The following EYA4 variants were observed in gnomAD, a reference collection of about 807,000 sequenced individuals.
EYA4 encodes the protein protein phosphatase EYA4.
A neutral mutation model predicts 87.9 loss-of-function variants in EYA4; 31 were observed. That is an observed-to-expected ratio of 0.35 (90% CI 0.27 to 0.48). The LOEUF is 0.48. Ranked by LOEUF, EYA4 falls within the 20% of genes least tolerant of loss-of-function variation. EYA4 has a pLI of 0.99. For missense variants in EYA4, 678 were observed against 761.4 expected, an observed-to-expected ratio of 0.89 and a Z score of 1.29; for synonymous variants, 263 against 270.6, an observed-to-expected ratio of 0.97 and a Z score of 0.28.
At chr6:133,296,593 T>G (rs993471403) in intron 2 of EYA4, among the ~76,000 whole-genome samples, 1 of 151,944 alleles carries the variant, frequency 6.6e-6, no homozygotes, top group Non-Finnish European at 1.5e-5. Context: ...AAAGGAAGGG[T>G]CAGTAATGAC....
intron 6 of EYA4, among the ~76,000 whole-genome samples, chr6:133,457,358 A>T (rs1793998567): frequency 6.6e-6 from 1 of 152,132 alleles, no homozygotes; most frequent in South Asian, 2.1e-4. Flanking sequence ...GATTTTTCTA[A>T]CCTGAGGAGG....
At chr6:133,277,070 A>G (rs2128274779) in intron 2 of EYA4, among the ~76,000 whole-genome samples, 1 of 152,316 alleles carries the variant, frequency 6.6e-6, no homozygotes, top group East Asian at 1.9e-4. Context: ...TAGGGGTGGA[A>G]TTAAAATAAA....
intron 2 of EYA4, among the ~76,000 whole-genome samples, chr6:133,374,239 T>G (rs1367750272): frequency 6.6e-6 from 1 of 152,082 alleles, no homozygotes; most frequent in East Asian, 1.9e-4. Context: ...TCAAATCACT[T>G]GAAAGCTATT....
chr6:133,456,676 C>A (rs765982559), intron 6 of EYA4, 28 bp downstream of exon 6: 30 of 1,361,334 alleles, frequency 2.2e-5, no homozygotes, highest in Non-Finnish European at 3.2e-5. Flanking sequence ...TGTGTCCTTA[C>A]GTACACATGG....
chr6:133,283,947 T>C (rs1777829683), intron 2 of EYA4, among the ~76,000 whole-genome samples: 1 of 152,228 alleles, frequency 6.6e-6, no homozygotes, highest in Admixed American at 6.5e-5. Flanking sequence ...TATTGGACTT[T>C]CTGTGTCTGA....
chr6:133,271,058 G>C (rs1776646742), intron 1 of EYA4, among the ~76,000 whole-genome samples: 1 of 152,142 alleles, frequency 6.6e-6, no homozygotes, highest in Non-Finnish European at 1.5e-5. Context: ...GCTAGTGGAA[G>C]GAAAAATTTT....
intron 17 of EYA4, among the ~76,000 whole-genome samples, chr6:133,522,587 T>A (rs2128811037): frequency 6.6e-6 from 1 of 152,282 alleles, no homozygotes; most frequent in South Asian, 2.1e-4. Flanking sequence ...ATAGTTAATG[T>A]TTTTTGTTTT....
intron 2 of EYA4, among the ~76,000 whole-genome samples, chr6:133,286,318 T>C (rs972665660): frequency 3.9e-5 from 6 of 152,194 alleles, no homozygotes; most frequent in Non-Finnish European, 7.4e-5. Context: ...GATGTAACCA[T>C]TGGGAACTCA....
chr6:133,394,282 GTGTTTTT>G (rs1269757042), intron 3 of EYA4, among the ~76,000 whole-genome samples: 1,634 of 107,788 alleles, frequency 0.015, 73 homozygotes, highest in African/African-American at 0.05. Context: ...ATATAAGCTT[GTGTTTTT>G]TTTTTTTTTT....
chr6:133,420,181 A>G (rs1790093544), intron 3 of EYA4, among the ~76,000 whole-genome samples: 1 of 151,980 alleles, frequency 6.6e-6, no homozygotes, highest in African/African-American at 2.4e-5. Flanking sequence ...TCCCATTATT[A>G]AGAGATGTTA....
intron 1 of EYA4, chr6:133,247,724 C>T (rs1774529969): frequency 6.6e-6 from 1 of 151,758 alleles, no homozygotes; most frequent in East Asian, 1.9e-4. Flanking sequence ...TGATGATATG[C>T]CCAGTAGAGA....
At chr6:133,320,897 A>G (rs568836738) in intron 2 of EYA4, among the ~76,000 whole-genome samples, 1 of 152,158 alleles carries the variant, frequency 6.6e-6, no homozygotes, top group African/African-American at 2.4e-5. Flanking sequence ...TCATTTTTCT[A>G]CATACTGAGG....
At chr6:133,476,587 T>C (rs1274736958) in intron 11 of EYA4, among the ~76,000 whole-genome samples, 1 of 152,162 alleles carries the variant, frequency 6.6e-6, no homozygotes, top group Non-Finnish European at 1.5e-5. Context: ...CAGGATTTTC[T>C]TTTTTAAGGC....
chr6:133,255,450 T>C (rs1391194706), intron 1 of EYA4, among the ~76,000 whole-genome samples: 1 of 152,158 alleles, frequency 6.6e-6, no homozygotes, highest in Admixed American at 6.6e-5. Context: ...TGATCAACTT[T>C]TGATTTATGT....
In EYA4 at chr6:133,462,675, A is replaced by C. The variant is rs774041373; in HGVS notation, c.635A>C (p.Gln212Pro). 1.2e-6 allele frequency: 2 copies of C among 1,613,936 alleles called. No homozygotes were observed. The highest frequency in any genetic ancestry group is 1.7e-6 in the Non-Finnish European group (2 of 1,179,864). The change falls in exon 9 of 20, where the codon CAG becomes CCG. Residue 212 changes from glutamine to proline, a missense_variant. Coordinates refer to ENST00000355286, the MANE Select transcript of EYA4 (RefSeq NM_004100.5). ...ACAGAGAGTGGACTTTCCCAAACTC[A>C]GTCCCCATTACAGAGTGGCTGCCTC... Reference protein sequence around the residue: ...IKTESGLSQTQSPLQSGCLSY... With the variant: ...IKTESGLSQTPSPLQSGCLSY...
Position 133,450,055 on chromosome 6 carries a change from C to T in EYA4, c.277+1876C>T, listed in dbSNP as rs1370133558. Among the ~76,000 whole-genome samples, 7 of 151,712 alleles carry T rather than the reference C, an allele frequency of 4.6e-5. No individual in the cohort carries two copies. The East Asian group carries it at 7.8e-4, about 17-fold the overall frequency. ...GGCTGGAGTGCAGTGGCGCGATCTC[C>T]GCTCACTGCAAGCTCCGCCTCCCGG... On this transcript the variant is annotated intron_variant, in intron 5 of 19. Coordinates refer to ENST00000355286, the MANE Select transcript of EYA4 (RefSeq NM_004100.5).
At chr6:133,482,863 C>T (rs533933736) in intron 12 of EYA4, among the ~76,000 whole-genome samples, 169 bp from the exon 13 acceptor site, 2 of 151,372 alleles carry the variant, frequency 1.3e-5, no homozygotes, top group African/African-American at 2.4e-5. Flanking sequence ...GCTCCTCAGG[C>T]TTTATAGGAG....
intron 2 of EYA4, among the ~76,000 whole-genome samples, chr6:133,284,937 G>C (rs1777912078): frequency 6.6e-6 from 1 of 151,712 alleles, no homozygotes; most frequent in African/African-American, 2.4e-5. Flanking sequence ...GAGGAGGATA[G>C]GAAGTGCTTG....
chr6:133,503,862 A>G (rs1776512243), intron 13 of EYA4, among the ~76,000 whole-genome samples: 1 of 152,206 alleles, frequency 6.6e-6, no homozygotes, highest in Admixed American at 6.5e-5. Context: ...TGAAGGAAAC[A>G]GAGCAAGGGG....
Sources: allele counts gnomAD v4.1 joint callset (sites outside exome capture counted in the v4.1 genomes callset), GRCh38; gene constraint gnomAD v4.1.1; transcripts MANE v1.5; gene names NCBI Gene and HGNC (gene_info 2026-07-23, HGNC 2026-07-21).